Variants in DHRSX observed in about 807,000 individuals in gnomAD.
DHRSX encodes the protein polyprenol dehydrogenase.
A neutral mutation model predicts 34.0 loss-of-function variants in DHRSX; 31 were observed. The observed-to-expected ratio is 0.91, with a 90% confidence interval of 0.69 to 1.23. The LOEUF is 1.23. DHRSX is among the 50% of genes most tolerant of loss of function. DHRSX has a pLI of 0.00. For synonymous variants in DHRSX, 201 were observed against 183.8 expected, an observed-to-expected ratio of 1.09 and a Z score of -0.76; for missense variants, 414 against 428.1, an observed-to-expected ratio of 0.97 and a Z score of 0.29.
At position 2,228,590 on chromosome X, in the gene DHRSX, C is replaced by T. The variant is rs749103226; in HGVS notation, c.805-7361G>A. 4.6e-5 allele frequency among the ~76,000 whole-genome samples: 7 copies of T among 151,546 alleles called. No homozygotes were observed. In the South Asian group the frequency reaches 8.3e-4, roughly 18 times the overall value. ...GAGGGAGGAATTTATTCCTCAGAGCCTTTGCTGCATTTACCAATTCTGGTT... is the reference window on the plus strand; with the variant it reads ...GAGGGAGGAATTTATTCCTCAGAGCTTTTGCTGCATTTACCAATTCTGGTT... On this transcript the variant is annotated intron_variant, in intron 6 of 6. Transcript: ENST00000334651.
intron 1 of DHRSX, among the ~76,000 whole-genome samples, chrX:2,480,635 T>C (rs1414445771): frequency 1.3e-5 from 2 of 150,658 alleles, no homozygotes; most frequent in South Asian, 2.1e-4. Flanking sequence ...CTGAGCAACA[T>C]AGCAAGACCC....
chrX:2,338,707 C>T (rs2042602484), intron 3 of DHRSX, among the ~76,000 whole-genome samples: 1 of 152,080 alleles, frequency 6.6e-6, no homozygotes, highest in Non-Finnish European at 1.5e-5. Context: ...GTGGAAGCCT[C>T]CTGAGGTCCT....
At chrX:2,289,933 G>A (rs1341828250) in intron 4 of DHRSX, among the ~76,000 whole-genome samples, 15 of 152,186 alleles carry the variant, frequency 9.9e-5, no homozygotes, top group Non-Finnish European at 1.5e-4. Flanking sequence ...CTGATAATAC[G>A]ATGTTTCTTA....
At chrX:2,477,464 A>G (rs1168475620) in intron 1 of DHRSX, among the ~76,000 whole-genome samples, 4 of 152,206 alleles carry the variant, frequency 2.6e-5, no homozygotes, top group African/African-American at 9.6e-5. Flanking sequence ...TGTAACAGGG[A>G]CAAAGTCCAG....
At chrX:2,255,570 T>A (rs1444298125) in intron 5 of DHRSX, among the ~76,000 whole-genome samples, 3 of 152,106 alleles carry the variant, frequency 2.0e-5, no homozygotes, top group Admixed American at 6.6e-5. Flanking sequence ...AACAACTCCA[T>A]GACTGAGGGA....
Position 2,314,494 on chromosome X carries a change from GT to G in DHRSX, c.287-22892del, listed in dbSNP as rs1311832310. On this transcript the variant is annotated intron_variant, in intron 3 of 6. Transcript: ENST00000334651. The stretch of plus-strand genomic sequence containing the variant: ...AGAAGGAAGGAAGGAAGGAAGGGAG[GT>G]AAAGGAGGTAAGGGAGGGAGGGAGG... Among the ~76,000 whole-genome samples the G allele has an allele frequency of 2.9e-3, 329 of 111,748 alleles. 14 individuals carry two copies. The highest frequency in any genetic ancestry group is 4.7e-3 in the African/African-American group (101 of 21,498). 73.3% of individuals were successfully genotyped at this position (111,748 alleles called of 152,430 possible).
Position 2,367,307 on chromosome X carries a change from A to G in DHRSX, c.286+41438T>C, listed in dbSNP as rs768434545. Among the ~76,000 whole-genome samples the G allele has an allele frequency of 5.9e-5, 9 of 152,028 alleles. No homozygotes were observed. The South Asian group carries it at 1.7e-3, about 28-fold the overall frequency. On this transcript the variant is annotated intron_variant, in intron 3 of 6. Transcript: ENST00000334651. ...ACAAAAATTAGCCACGCGTGGTGGT[A>G]GGTGCCTGTAATCCCAGCAACTCAG...
At chrX:2,245,994 C>CAA (rs1313375692) in intron 5 of DHRSX, among the ~76,000 whole-genome samples, 8 of 130,926 alleles carry the variant, frequency 6.1e-5, no homozygotes, top group African/African-American at 2.2e-4. Flanking sequence ...AACACACAAA[C>CAA]AAAAAAAAAA....
chrX:2,379,619 T>TA (rs2043181771), intron 3 of DHRSX, among the ~76,000 whole-genome samples: 2 of 149,672 alleles, frequency 1.3e-5, no homozygotes, highest in African/African-American at 4.9e-5. Context: ...TTTTTTTTTT[T>TA]AATGATGCTG....
chrX:2,434,817 A>ACC (rs1172691161), intron 1 of DHRSX, among the ~76,000 whole-genome samples: 2 of 152,178 alleles, frequency 1.3e-5, no homozygotes, highest in African/African-American at 4.8e-5. Flanking sequence ...AGAATCAAAA[A>ACC]CCATTTAGTT....
At chrX:2,329,300 G>T (rs2042428172) in intron 3 of DHRSX, among the ~76,000 whole-genome samples, 1 of 152,070 alleles carries the variant, frequency 6.6e-6, no homozygotes, top group Non-Finnish European at 1.5e-5. Context: ...TTGTTTGGAG[G>T]AATTCAAAAG....
intron 3 of DHRSX, among the ~76,000 whole-genome samples, chrX:2,357,496 C>G (rs2042870568): frequency 6.6e-6 from 1 of 151,828 alleles, no homozygotes; most frequent in African/African-American, 2.4e-5. Flanking sequence ...AGAGAAAATC[C>G]TAAAAGCATC....
intron 4 of DHRSX, among the ~76,000 whole-genome samples, chrX:2,288,194 C>T (rs181741799): frequency 1.3e-5 from 2 of 152,012 alleles, no homozygotes; most frequent in Admixed American, 1.3e-4. Context: ...AGAGAGAGAA[C>T]AAGAAAGAGA....
At chrX:2,390,234 C>T (rs374122613) in intron 3 of DHRSX, among the ~76,000 whole-genome samples, 1 of 149,896 alleles carries the variant, frequency 6.7e-6, no homozygotes, top group South Asian at 2.1e-4. Context: ...ACCTCTGCCT[C>T]CCGGATTCAA....
chrX:2,359,174 T>C (rs1216858338), intron 3 of DHRSX, among the ~76,000 whole-genome samples: 1 of 152,154 alleles, frequency 6.6e-6, no homozygotes, highest in Non-Finnish European at 1.5e-5. Context: ...AGTTCCAACA[T>C]TGTGTAAGAC....
chrX:2,436,535 C>G (rs2124661935), intron 1 of DHRSX, among the ~76,000 whole-genome samples: 1 of 150,550 alleles, frequency 6.6e-6, no homozygotes, highest in South Asian at 2.1e-4. Context: ...GCTCTGTCAC[C>G]CCGGCTGGAG....
chrX:2,235,881 A>G (rs1274775972), intron 6 of DHRSX, among the ~76,000 whole-genome samples: 1 of 150,444 alleles, frequency 6.6e-6, no homozygotes, highest in East Asian at 2.0e-4. Flanking sequence ...TGGGAGACCG[A>G]GGCGGGCGGA....
intron 1 of DHRSX, among the ~76,000 whole-genome samples, chrX:2,447,332 C>T (rs1256173769): frequency 1.3e-5 from 2 of 152,104 alleles, no homozygotes; most frequent in Non-Finnish European, 2.9e-5. Context: ...TAAGGGACTG[C>T]TGCCATGTAC....
chrX:2,495,343 G>T (rs150235660), intron 1 of DHRSX, among the ~76,000 whole-genome samples: 5 of 151,646 alleles, frequency 3.3e-5, no homozygotes, highest in Admixed American at 2.0e-4. Context: ...ATGAACAAAG[G>T]TTTATATTCT....
Sources: gnomAD v4.1 joint callset for allele counts (sites outside exome capture counted in the v4.1 genomes callset) on GRCh38, gnomAD v4.1.1 for gene constraint, MANE v1.5 for transcripts, NCBI Gene and HGNC (gene_info 2026-07-23, HGNC 2026-07-21) for gene names.